Variants in SWAP70 observed in about 807,000 individuals in gnomAD.
The protein encoded by SWAP70 is switch-associated protein 70.
SWAP70 carries 34 observed loss-of-function variants against 80.2 expected under a neutral mutation model. The observed-to-expected ratio is 0.42, with a 90% CI of 0.32 to 0.56. The LOEUF (loss-of-function observed/expected upper bound fraction) is 0.56, where lower values mean the gene tolerates loss of function less well. SWAP70 is among the 20% of genes least tolerant of loss of function. The probability of loss-of-function intolerance (pLI) is 0.09; values close to 1 mark genes in which losing one functional copy is unlikely to be tolerated. For missense variants in SWAP70, 578 were observed against 690.7 expected (o/e 0.84, Z 1.83); for synonymous variants, 239 against 238.5 (o/e 1.00, Z -0.02).
Position 9,728,096 on chromosome 11 carries a change from A to C in SWAP70, c.686A>C (p.Glu229Ala). ...GGCCACAGACGGAAAAACTGGACTG[A>C]AAGATGGTTTGTACTAAAACCCAAC... ...KKGHRRKNWT[E>A]RWFVLKPNII... The change falls in exon 5 of 12, where the codon GAA (glutamate) becomes GCA (alanine). Residue 229 changes from glutamate to alanine, a missense_variant. Glu to Ala is a moderately radical substitution (Grantham distance 107). Transcript: ENST00000318950. The C allele has an allele frequency of 6.2e-7, 1 of 1,612,888 alleles. No homozygotes were observed. Among genetic ancestry groups the C allele is most frequent in the Non-Finnish European group, 8.5e-7 (1 of 1,179,564 alleles).
intron 6 of SWAP70, among the ~76,000 whole-genome samples, chr11:9,731,568 A>G (rs1454921246): frequency 6.6e-6 from 1 of 152,230 alleles, no homozygotes; most frequent in Non-Finnish European, 1.5e-5. Context: ...GTGGTGTACC[A>G]TGCAGTACTT....
chr11:9,714,193 A>C (rs559124319), intron 3 of SWAP70, among the ~76,000 whole-genome samples: 1 of 152,356 alleles, frequency 6.6e-6, no homozygotes, highest in African/African-American at 2.4e-5. Flanking sequence ...AAAAAGTGAC[A>C]CATGTTAATA....
intron 9 of SWAP70, chr11:9,741,532 T>G (rs1851437846): frequency 6.6e-6 from 1 of 152,166 alleles, no homozygotes; most frequent in Non-Finnish European, 1.5e-5. Context: ...CACTCAACAT[T>G]TTTTGAGCCA....
Position 9,752,849 on chromosome 11 carries a change from C to CT in SWAP70, c.*2882dup, listed in dbSNP as rs1851608444. Reference sequence around the variant, plus strand: ...ACATTGTACAATGTAATATGCTCAACTTTCTCAATTTTTTGCTAATTTTTC... The same window carrying CT: ...ACATTGTACAATGTAATATGCTCAACTTTTCTCAATTTTTTGCTAATTTTTC... On this transcript the variant is annotated 3_prime_UTR_variant, in exon 12 of 12. Coordinates refer to ENST00000318950, the MANE Select transcript of SWAP70 (RefSeq NM_015055.4). The CT allele has an allele frequency of 6.6e-6, 1 of 152,122 alleles. No individual in the cohort carries two copies. The highest frequency in any genetic ancestry group is 1.5e-5 in the Non-Finnish European group (1 of 68,026). The allele number at this position is 152,122 out of a possible 1,614,324, so 9.4% of individuals were successfully genotyped here.
chr11:9,693,891 C>T (rs1850723724), intron 1 of SWAP70, among the ~76,000 whole-genome samples: 1 of 151,930 alleles, frequency 6.6e-6, no homozygotes, highest in Non-Finnish European at 1.5e-5. Flanking sequence ...ATTATATTCA[C>T]AGATCTTGCA....
At chr11:9,708,387 A>C (rs912130475) in intron 2 of SWAP70, among the ~76,000 whole-genome samples, 7 of 152,198 alleles carry the variant, frequency 4.6e-5, no homozygotes, top group African/African-American at 1.7e-4. Context: ...GCATTTCCCC[A>C]ATCATAAGTG....
At chr11:9,709,146 C>T (rs1850961786) in intron 2 of SWAP70, among the ~76,000 whole-genome samples, 1 of 151,806 alleles carries the variant, frequency 6.6e-6, no homozygotes, top group African/African-American at 2.4e-5. Flanking sequence ...CCCCCTCAGA[C>T]AGAGTCTCAC....
intron 4 of SWAP70, among the ~76,000 whole-genome samples, chr11:9,727,790 A>G (rs1016388272): frequency 3.3e-5 from 5 of 152,170 alleles, no homozygotes; most frequent in African/African-American, 9.7e-5. Flanking sequence ...ACTTAATGTC[A>G]AGGGGATTCT....
chr11:9,716,614 C>T (rs974501870), intron 3 of SWAP70, among the ~76,000 whole-genome samples: 1 of 152,094 alleles, frequency 6.6e-6, no homozygotes, highest in Non-Finnish European at 1.5e-5. Context: ...GTGCCTGGAC[C>T]CATGGTAGCT....
At chr11:9,742,793 G>T (rs1851457544) in intron 9 of SWAP70, among the ~76,000 whole-genome samples, 1 of 151,836 alleles carries the variant, frequency 6.6e-6, no homozygotes. Context: ...AGTCATCCTG[G>T]AGTTGGGTTG....
chr11:9,695,282 G>A (rs995128952), intron 2 of SWAP70, among the ~76,000 whole-genome samples: 18 of 149,584 alleles, frequency 1.2e-4, no homozygotes, highest in South Asian at 2.1e-4. Flanking sequence ...CATCAAGAGC[G>A]AAAATCCGTG....
chr11:9,712,986 C>CA (rs1403239122), intron 2 of SWAP70, among the ~76,000 whole-genome samples: 3 of 152,200 alleles, frequency 2.0e-5, no homozygotes, highest in Non-Finnish European at 2.9e-5. Context: ...CATGGGCCAC[C>CA]ATGCCCAGCC....
chr11:9,677,075 G>A (rs961235877), intron 1 of SWAP70, among the ~76,000 whole-genome samples: 6 of 151,092 alleles, frequency 4.0e-5, no homozygotes, highest in Non-Finnish European at 5.9e-5. Flanking sequence ...AGAGCTATTC[G>A]TATGTGGATT....
rs1850928160 is a variant in SWAP70 at position 9,707,327 on chromosome 11, T to C, written c.241-6139T>C. On this transcript the variant is annotated intron_variant, in intron 2 of 11. Transcript: ENST00000318950. Reference sequence around the variant, plus strand: ...ACAACACCTCTTTTCCTTTTCCCCCTGGCCCTGGCAATCACCATTCTACTA... The same window carrying C: ...ACAACACCTCTTTTCCTTTTCCCCCCGGCCCTGGCAATCACCATTCTACTA... 2.0e-5 allele frequency among the ~76,000 whole-genome samples: 3 copies of C among 152,108 alleles called. No individual in the cohort carries two copies. The South Asian group carries it at 6.2e-4, about 31-fold the overall frequency.
At chr11:9,720,120 G>A (rs1851116177) in intron 3 of SWAP70, 2 of 985,200 alleles carry the variant, frequency 2.0e-6, no homozygotes, top group South Asian at 4.7e-5. Context: ...TTATTATTTA[G>A]TATAATTGAA....
chr11:9,708,390 C>A lies in SWAP70; in HGVS notation c.241-5076C>A, dbSNP rs530428056. On this transcript the variant is annotated intron_variant, in intron 2 of 11. Coordinates refer to ENST00000318950, the MANE Select transcript of SWAP70 (RefSeq NM_015055.4). The stretch of plus-strand genomic sequence containing the variant: ...GTGTTTTGATTTGCATTTCCCCAAT[C>A]ATAAGTGATGTTGAGCATCTTCTCA... 1.7e-4 allele frequency among the ~76,000 whole-genome samples: 26 copies of A among 152,298 alleles called. No homozygotes were observed. In the South Asian group the frequency reaches 5.0e-3, roughly 29 times the overall value.
At position 9,740,646 on chromosome 11, in the gene SWAP70, C is replaced by T. The variant is rs79062317; in HGVS notation, c.1355+299C>T. 1,622 of 407,692 alleles carry T rather than the reference C, an allele frequency of 4.0e-3. 18 individuals carry two copies. Among genetic ancestry groups the T allele is most frequent in the African/African-American group, 0.031 (1,522 of 48,852 alleles). 25.3% of individuals were successfully genotyped at this position (407,692 alleles called of 1,614,324 possible). On this transcript the variant is annotated intron_variant, in intron 9 of 11. Coordinates refer to ENST00000318950, the MANE Select transcript of SWAP70 (RefSeq NM_015055.4). ...TCTTATTCGAGAAAATCCACAAACCCAGAATTACCTCTGATAAGAGCTTGG... is the reference window on the plus strand; with the variant it reads ...TCTTATTCGAGAAAATCCACAAACCTAGAATTACCTCTGATAAGAGCTTGG...
intron 4 of SWAP70, among the ~76,000 whole-genome samples, chr11:9,725,565 A>ATTT (rs1851209163): frequency 7.5e-4 from 13 of 17,356 alleles, no homozygotes; most frequent in African/African-American, 3.0e-3. Context: ...ATATATATAT[A>ATTT]TATATTTTTT....
intron 1 of SWAP70, among the ~76,000 whole-genome samples, chr11:9,675,132 T>C (rs907638103): frequency 1.3e-5 from 2 of 151,760 alleles, no homozygotes; most frequent in Non-Finnish European, 2.9e-5. Context: ...ACAAGAAATT[T>C]AAAAAGTTAG....
Sources: allele counts gnomAD v4.1 joint callset (sites outside exome capture counted in the v4.1 genomes callset), GRCh38; gene constraint gnomAD v4.1.1; transcripts MANE v1.5; gene names NCBI Gene and HGNC (gene_info 2026-07-23, HGNC 2026-07-21).